ABCC11: variants seen among roughly 807,000 people sequenced by gnomAD.
ABCC11 encodes ATP-binding cassette sub-family C member 11.
A neutral mutation model predicts 149.3 loss-of-function variants in ABCC11; 135 were observed. The observed-to-expected ratio is 0.90, with a 90% CI of 0.79 to 1.04. The LOEUF (loss-of-function observed/expected upper bound fraction) is 1.04, where lower values mean the gene tolerates loss of function less well. Among genes scored for constraint, ABCC11 ranks in the 50% least tolerant of loss-of-function variants. The pLI, the probability that ABCC11 is intolerant of heterozygous loss-of-function variation, is 0.00. For synonymous variants in ABCC11, 665 were observed against 671.4 expected (o/e 0.99, Z 0.15); for missense variants, 1,680 against 1,722.1 (o/e 0.98, Z 0.43).
At chr16:48,214,814 T>TA in intron 9 of ABCC11, 67 bp downstream of exon 9, 3 of 1,596,828 alleles carry the variant, frequency 1.9e-6, no homozygotes, top group Middle Eastern at 1.8e-4. Flanking sequence ...GGGGCATGGC[T>TA]AAAAAAGGAC....
chr16:48,173,718 G>C (rs1476953460), intron 26 of ABCC11, among the ~76,000 whole-genome samples: 1 of 152,108 alleles, frequency 6.6e-6, no homozygotes, highest in Non-Finnish European at 1.5e-5. Context: ...TCCACCTCCC[G>C]GGCTCATGCG....
chr16:48,223,052 C>T (rs1427085344), intron 5 of ABCC11, among the ~76,000 whole-genome samples: 1 of 152,224 alleles, frequency 6.6e-6, no homozygotes, highest in African/African-American at 2.4e-5. Context: ...TGGCTGTCCT[C>T]ATCCTGACAG....
intron 4 of ABCC11, 146 bp from the exon 5 acceptor site, chr16:48,224,575 C>T: frequency 1.2e-6 from 1 of 855,610 alleles, no homozygotes; most frequent in African/African-American, 1.7e-5. Context: ...TACTCATCCC[C>T]CTTTCCAGAA....
At chr16:48,168,984 C>A (rs1596645766) in intron 28 of ABCC11, among the ~76,000 whole-genome samples, 5 of 152,170 alleles carry the variant, frequency 3.3e-5, no homozygotes, top group African/African-American at 1.2e-4. Flanking sequence ...GTGCAGCAAA[C>A]CACCATGGCA....
intron 18 of ABCC11, among the ~76,000 whole-genome samples, chr16:48,194,246 G>A (rs1335083460): frequency 1.3e-5 from 2 of 152,180 alleles, no homozygotes; most frequent in African/African-American, 4.8e-5. Context: ...CTATGAAATA[G>A]TGATAACCTT....
At chr16:48,194,876 A>G (rs1339480277) in intron 18 of ABCC11, among the ~76,000 whole-genome samples, 1 of 152,216 alleles carries the variant, frequency 6.6e-6, no homozygotes, top group Non-Finnish European at 1.5e-5. Flanking sequence ...CCAGTCTAAT[A>G]TATGTTGTTA....
At chr16:48,229,236 T>C (rs182426862) in intron 3 of ABCC11, among the ~76,000 whole-genome samples, 1 of 152,098 alleles carries the variant, frequency 6.6e-6, no homozygotes, top group East Asian at 1.9e-4. Context: ...ACAGAAACAA[T>C]ATATTTATCT....
In ABCC11 at chr16:48,167,521, T is replaced by C. The variant is rs16945916; in HGVS notation, c.4031A>G (p.His1344Arg). ...HRVTTVLNCD[H>R]ILVMGNGKVV... is the part of the protein sequence containing the mutation. Reference sequence around the variant, plus strand: ...CTTCCCATTGCCCATAACCAGGATGTGGTCACAGTTCAGCACAGTGGTGAC... The same window carrying C: ...CTTCCCATTGCCCATAACCAGGATGCGGTCACAGTTCAGCACAGTGGTGAC... The change falls in exon 29 of 30, where the codon CAC becomes CGC. Residue 1344 changes from histidine (H) to arginine (R), a missense_variant. His to Arg is a conservative substitution (Grantham distance 29). Transcript: ENST00000356608. 0.17 allele frequency: 277,167 copies of C among 1,613,894 alleles called. 27,148 individuals are homozygous for C. The highest frequency in any genetic ancestry group is 0.36 in the African/African-American group (27,073 of 74,922).
intron 15 of ABCC11, among the ~76,000 whole-genome samples, chr16:48,199,043 T>A (rs551554005): frequency 4.8e-4 from 73 of 151,080 alleles, no homozygotes; most frequent in African/African-American, 1.6e-3. Context: ...CAAAAAAATA[T>A]ATATATATAT....
intron 20 of ABCC11, among the ~76,000 whole-genome samples, chr16:48,191,650 C>T (rs1966933888): frequency 6.6e-6 from 1 of 152,218 alleles, no homozygotes; most frequent in African/African-American, 2.4e-5. Flanking sequence ...CGTGTGCATA[C>T]ATGTGCATTT....
At chr16:48,169,344 G>A (rs1249073370) in intron 28 of ABCC11, among the ~76,000 whole-genome samples, 1 of 152,210 alleles carries the variant, frequency 6.6e-6, no homozygotes, top group Admixed American at 6.5e-5. Context: ...AATGCATGTG[G>A]AATGGCACTC....
chr16:48,178,299 A>G (rs1451514234), intron 24 of ABCC11, among the ~76,000 whole-genome samples: 2 of 152,236 alleles, frequency 1.3e-5, no homozygotes, highest in Non-Finnish European at 2.9e-5. Context: ...ATAGGAACAA[A>G]GATTGTTGTC....
intron 3 of ABCC11, among the ~76,000 whole-genome samples, chr16:48,229,277 C>A (rs1296020203): frequency 6.6e-6 from 1 of 151,700 alleles, no homozygotes; most frequent in Non-Finnish European, 1.5e-5. Context: ...AATGAAAGTA[C>A]CAAGGTTCTT....
At position 48,167,140 on chromosome 16, in the gene ABCC11, C is replaced by G. The variant is rs1338451435; in HGVS notation, c.*134G>C. 5.4e-6 allele frequency: 3 copies of G among 557,724 alleles called. No individual in the cohort carries two copies. The highest frequency in any genetic ancestry group is 4.8e-5 in the Admixed American group (2 of 41,994). 34.5% of individuals were successfully genotyped at this position (557,724 alleles called of 1,614,324 possible). ...GGTTTCCATCCAGCAATCCCCACCC[C>G]CCCTACATTTACCCCTGCTTCCAGG... is the stretch of plus-strand genomic sequence containing the variant. On this transcript the variant is annotated 3_prime_UTR_variant, in exon 30 of 30. Transcript: ENST00000356608.
At chr16:48,237,019 C>CA (rs1264983833) in intron 1 of ABCC11, among the ~76,000 whole-genome samples, 3 of 151,928 alleles carry the variant, frequency 2.0e-5, no homozygotes, top group Non-Finnish European at 4.4e-5. Flanking sequence ...TGCAAAAATC[C>CA]AAAAAAATTG....
chr16:48,167,986 T>C (rs1466938627), intron 28 of ABCC11, among the ~76,000 whole-genome samples: 1 of 152,208 alleles, frequency 6.6e-6, no homozygotes, highest in African/African-American at 2.4e-5. Flanking sequence ...TAGAGCGGTG[T>C]TCTCCAAGAA....
At chr16:48,229,476 G>C (rs1176486583) in intron 3 of ABCC11, among the ~76,000 whole-genome samples, 1 of 31,278 alleles carries the variant, frequency 3.2e-5, no homozygotes, top group Non-Finnish European at 5.9e-5. Context: ...TTTTTTTTTT[G>C]AGACGGAGGC....
rs202097972 is a variant in ABCC11, at chr16:48,211,013, C to T, written c.1543G>A (p.Gly515Arg). The T allele has an allele frequency of 3.7e-5, 59 of 1,614,150 alleles. No individual in the cohort carries two copies. Among genetic ancestry groups the T allele is most frequent in the South Asian group, 1.2e-4 (11 of 91,086 alleles). ...AGGCTGTTCCCTTCTTCCTCTGGCC[C>T]GAGGGCATCTCTAGGCCTGGTCATC... ...EGMTRPRDAL[G>R]PEEEGNSLGP... The change falls in exon 11 of 30, where the codon GGG becomes AGG. Residue 515 changes from glycine to arginine, a missense_variant. Physicochemically the swap from Gly to Arg is moderately radical, Grantham distance 125. Coordinates refer to ENST00000356608, the MANE Select transcript of ABCC11 (RefSeq NM_001370497.1).
chr16:48,188,519 C>A (rs1596703771), intron 20 of ABCC11, among the ~76,000 whole-genome samples: 1 of 152,240 alleles, frequency 6.6e-6, no homozygotes, highest in East Asian at 1.9e-4. Flanking sequence ...AGGGTGGCAC[C>A]TGCAAGTTGA....
Sources: gnomAD v4.1 joint callset for allele counts (sites outside exome capture counted in the v4.1 genomes callset) on GRCh38, gnomAD v4.1.1 for gene constraint, MANE v1.5 for transcripts, NCBI Gene and HGNC (gene_info 2026-07-23, HGNC 2026-07-21) for gene names.